Variants in LEPROTL1 observed in about 807,000 individuals in gnomAD.
LEPROTL1 encodes leptin receptor overlapping transcript like 1, also known as leptin receptor overlapping transcript-like 1.
In LEPROTL1, 6 loss-of-function variants were observed where a neutral mutation model predicts 15.4. That is an observed-to-expected ratio of 0.39 (90% CI 0.21 to 0.77). The LOEUF is 0.77. LEPROTL1 is among the 30% of genes least tolerant of loss of function. The pLI is 0.41. For synonymous variants in LEPROTL1, 56 were observed against 52.6 expected (o/e 1.06, Z -0.28); for missense variants, 128 against 158.1 (o/e 0.81, Z 1.02).
intron 3 of LEPROTL1, chr8:30,117,410 C>T (rs1183141699): frequency 6.7e-7 from 1 of 1,499,670 alleles, no homozygotes; most frequent in East Asian, 2.3e-5. Flanking sequence ...AGGATTTTCC[C>T]TCCTGTGTGT....
At chr8:30,118,485 C>G (rs1802776612) in intron 3 of LEPROTL1, among the ~76,000 whole-genome samples, 1 of 152,134 alleles carries the variant, frequency 6.6e-6, no homozygotes. Context: ...GAAAGTCCAA[C>G]AGTAAGGTGT....
At chr8:30,100,367 A>T (rs1190640103) in intron 1 of LEPROTL1, among the ~76,000 whole-genome samples, 1 of 152,254 alleles carries the variant, frequency 6.6e-6, no homozygotes, top group Non-Finnish European at 1.5e-5. Context: ...TGACCTAACA[A>T]CAACAAAACT....
downstream of LEPROTL1, among the ~76,000 whole-genome samples, chr8:30,109,750 T>C (rs965045949): frequency 4.6e-5 from 7 of 152,212 alleles, no homozygotes; most frequent in Non-Finnish European, 8.8e-5. Flanking sequence ...AAATCAATTA[T>C]GTAACATTTC....
intron 3 of LEPROTL1, chr8:30,131,964 C>T: frequency 6.5e-7 from 1 of 1,549,236 alleles, no homozygotes; most frequent in Non-Finnish European, 8.7e-7. Context: ...TGTGCTTTCT[C>T]TTCGCCAATA....
chr8:30,095,702 CCCTCGGGCAACGGACGGTTGCG>C (rs1802349852), intron 1 of LEPROTL1, 174 bp downstream of exon 1: 1 of 694,824 alleles, frequency 1.4e-6, no homozygotes, highest in African/African-American at 1.8e-5. Flanking sequence ...GGGCGCGGCG[CCCTCGGGCAACGGACGGTTGCG>C]ACCCCGGCTT....
At chr8:30,105,718 G>T in intron 3 of LEPROTL1, 28 bp from the exon 4 acceptor site, 1 of 1,579,234 alleles carries the variant, frequency 6.3e-7, no homozygotes, top group African/African-American at 1.4e-5. Context: ...TTTCATGCCT[G>T]TTGACTGAGT....
chr8:30,135,057 T>G (rs1378053338), intron 4 of LEPROTL1, among the ~76,000 whole-genome samples: 9 of 580 alleles, frequency 0.016, no homozygotes, highest in African/African-American at 0.016. Context: ...TTTTTGTGGG[T>G]TTTTTTTTTT....
chr8:30,105,592 A>G (rs1043749000), intron 3 of LEPROTL1, among the ~76,000 whole-genome samples, 154 bp from the exon 4 acceptor site: 5 of 148,450 alleles, frequency 3.4e-5, no homozygotes, highest in Non-Finnish European at 5.9e-5. Flanking sequence ...TATACTATAT[A>G]TATTTATAAG....
At chr8:30,128,896 C>CT (rs35339784) in intron 3 of LEPROTL1, among the ~76,000 whole-genome samples, 1,552 of 145,666 alleles carry the variant, frequency 0.011, 21 homozygotes, top group African/African-American at 0.035. Context: ...CTCTGTTTTT[C>CT]TTTTTTTTTT....
intron 3 of LEPROTL1, chr8:30,132,248 C>T (rs1263582595): frequency 1.3e-6 from 2 of 1,551,806 alleles, no homozygotes; most frequent in Admixed American, 2.0e-5. Context: ...TGCCACCAGG[C>T]AGAGAAGGCA....
chr8:30,131,270 A>ATGTG (rs375063654), intron 3 of LEPROTL1, among the ~76,000 whole-genome samples: 13 of 92,436 alleles, frequency 1.4e-4, no homozygotes, highest in African/African-American at 4.3e-4. Context: ...ATATATATAT[A>ATGTG]TGTGTGTGTA....
chr8:30,125,725 T>C (rs1229188050), intron 3 of LEPROTL1, among the ~76,000 whole-genome samples: 1 of 152,210 alleles, frequency 6.6e-6, no homozygotes, highest in Non-Finnish European at 1.5e-5. Context: ...GGTCCCACAG[T>C]TGGCCTGTGC....
At chr8:30,111,979 A>G (rs1802658609), downstream of LEPROTL1, among the ~76,000 whole-genome samples, 1 of 152,212 alleles carries the variant, frequency 6.6e-6, no homozygotes, top group Admixed American at 6.5e-5. Flanking sequence ...AAGGAATAAA[A>G]GCAGGTTTGC....
At chr8:30,113,882 A>G (rs1434845764) in intron 3 of LEPROTL1, among the ~76,000 whole-genome samples, 3 of 152,178 alleles carry the variant, frequency 2.0e-5, no homozygotes, top group East Asian at 1.9e-4. Context: ...TGAGGAAACA[A>G]TGGAATACAC....
At chr8:30,121,784 G>A (rs887959086) in intron 3 of LEPROTL1, among the ~76,000 whole-genome samples, 2 of 152,058 alleles carry the variant, frequency 1.3e-5, no homozygotes, top group Non-Finnish European at 2.9e-5. Context: ...TAGGGGTGTG[G>A]GGTCTAACAG....
rs1033292890 is a variant in LEPROTL1 at position 30,095,593 on chromosome 8, A to C, written c.16+65A>C. ...CGGGGGAAGATGGGCCGGGGGTCCC[A>C]CGCGGCCCCCGCACTTCCCCTCCGG... On this transcript the variant is annotated intron_variant, in intron 1 of 3. Transcript: ENST00000321250. 8.8e-6 allele frequency: 11 copies of C among 1,252,294 alleles called. No individual in the cohort carries two copies. In the African/African-American group the frequency reaches 1.4e-4, roughly 16 times the overall value. The allele number at this position is 1,252,294 out of a possible 1,614,324, so 77.6% of individuals were successfully genotyped here.
intron 1 of LEPROTL1, among the ~76,000 whole-genome samples, chr8:30,097,474 C>G (rs1802385493): frequency 6.6e-6 from 1 of 151,646 alleles, no homozygotes; most frequent in Admixed American, 6.6e-5. Context: ...AGTTCAAGAC[C>G]AACCTGTCCA....
chr8:30,114,275 T>TG (rs1802700634), intron 3 of LEPROTL1, among the ~76,000 whole-genome samples: 2 of 110,280 alleles, frequency 1.8e-5, no homozygotes, highest in Non-Finnish European at 3.8e-5. Context: ...TACATGATAT[T>TG]TTTTTGTTTT....
rs1365686004 is a variant in LEPROTL1, at chr8:30,104,407, A to G, written c.200A>G (p.Lys67Arg). ...DDTDAMSNACKELAIFLTTGI... is the reference protein window; with the variant it reads ...DDTDAMSNACRELAIFLTTGI... ...ACAGATGCTATGAGTAACGCTTGTA[A>G]GGAACTTGCCATCTTTCTTACAACG... Residue 67 changes from lysine (K) to arginine (R), a missense_variant, in exon 3 of 4, where the codon AAG becomes AGG. Coordinates refer to ENST00000321250, the MANE Select transcript of LEPROTL1 (RefSeq NM_015344.3). 6.2e-7 allele frequency: 1 copy of G among 1,612,822 alleles called. No homozygotes were observed. Among genetic ancestry groups the G allele is most frequent in the Non-Finnish European group, 8.5e-7 (1 of 1,179,414 alleles).
Sources: gnomAD v4.1 joint callset for allele counts (sites outside exome capture counted in the v4.1 genomes callset) on GRCh38, gnomAD v4.1.1 for gene constraint, MANE v1.5 for transcripts, NCBI Gene and HGNC (gene_info 2026-07-23, HGNC 2026-07-21) for gene names.